Variants in CSNK2A2 observed in about 807,000 individuals in gnomAD.
The protein encoded by CSNK2A2 is casein kinase II subunit alpha'.
A neutral mutation model predicts 54.0 loss-of-function variants in CSNK2A2; 8 were observed. The observed-to-expected ratio is 0.15, with a 90% CI of 0.09 to 0.27. The LOEUF is 0.27. Ranked by LOEUF, CSNK2A2 falls within the 10% of genes least tolerant of loss-of-function variation. CSNK2A2 has a pLI of 1.00. For synonymous variants in CSNK2A2, 141 were observed against 153.9 expected (o/e 0.92, Z 0.62); for missense variants, 242 against 439.4 (o/e 0.55, Z 4.02).
chr16:58,180,535 T>C (rs988861952), intron 4 of CSNK2A2, among the ~76,000 whole-genome samples: 19 of 152,266 alleles, frequency 1.2e-4, no homozygotes, highest in Admixed American at 3.3e-4. Context: ...AAGGAAAGTA[T>C]AGTTCAAAGT....
At chr16:58,177,742 C>T (rs1449177663) in intron 4 of CSNK2A2, among the ~76,000 whole-genome samples, 1 of 152,172 alleles carries the variant, frequency 6.6e-6, no homozygotes, top group Non-Finnish European at 1.5e-5. Context: ...ACAGCTCAGT[C>T]TATGCCCATA....
At chr16:58,170,114 T>A (rs745456491) in intron 5 of CSNK2A2, among the ~76,000 whole-genome samples, 2 of 152,140 alleles carry the variant, frequency 1.3e-5, no homozygotes, top group Admixed American at 6.6e-5. Flanking sequence ...GATATGCAGA[T>A]AAGATTTTAT....
intron 5 of CSNK2A2, among the ~76,000 whole-genome samples, chr16:58,169,258 G>C (rs1463048201): frequency 6.6e-6 from 1 of 152,040 alleles, no homozygotes; most frequent in South Asian, 2.1e-4. Flanking sequence ...GGGGTGATGA[G>C]GCCAGGCACA....
intron 3 of CSNK2A2, among the ~76,000 whole-genome samples, chr16:58,184,789 G>C (rs147240453): frequency 2.5e-3 from 379 of 152,280 alleles, no homozygotes; most frequent in African/African-American, 8.5e-3. Flanking sequence ...TAGCAAGCCA[G>C]AATTGCACTT....
intron 4 of CSNK2A2, 62 bp downstream of exon 4, chr16:58,184,198 G>GAA: frequency 7.5e-7 from 1 of 1,331,552 alleles, no homozygotes; most frequent in South Asian, 1.3e-5. Flanking sequence ...GGAGTACACA[G>GAA]TATTTATCAC....
Position 58,167,400 on chromosome 16 carries a change from A to G in CSNK2A2, c.625-92T>C, listed in dbSNP as rs1396757245. The G allele has an allele frequency of 3.4e-6, 3 of 890,886 alleles. No individual in the cohort carries two copies. In the African/African-American group the frequency reaches 5.1e-5, roughly 15 times the overall value. The allele number at this position is 890,886 out of a possible 1,614,324, so 55.2% of individuals were successfully genotyped here. On this transcript the variant is annotated intron_variant, in intron 7 of 11. Transcript: ENST00000262506. ...TTTTTAGACGAGATTGGGCGTGTTCAGGGTGGTATGGCCATAGATAATTTA... is the reference window on the plus strand; with the variant it reads ...TTTTTAGACGAGATTGGGCGTGTTCGGGGTGGTATGGCCATAGATAATTTA...
chr16:58,173,182 T>C (rs1961784473), intron 5 of CSNK2A2, among the ~76,000 whole-genome samples: 1 of 152,174 alleles, frequency 6.6e-6, no homozygotes, highest in Non-Finnish European at 1.5e-5. Context: ...AGAGAAGACA[T>C]GGAGAAACGT....
chr16:58,165,814 A>T, intron 9 of CSNK2A2, 106 bp from the exon 10 acceptor site: 1 of 1,232,422 alleles, frequency 8.1e-7, no homozygotes, highest in Non-Finnish European at 1.1e-6. Context: ...ACTGATTACA[A>T]GCTTGTTAAA....
Position 58,167,306 on chromosome 16 carries a change from C to T in CSNK2A2, c.627G>A (p.Met209Ile). The T allele has an allele frequency of 6.2e-7, 1 of 1,608,568 alleles. No homozygotes were observed. Among genetic ancestry groups the T allele is most frequent in the Non-Finnish European group, 8.5e-7 (1 of 1,177,018 alleles). The change falls in exon 8 of 12, where the codon ATG becomes ATA. Residue 209 changes from methionine (M) to isoleucine (I), a missense_variant and splice_region_variant. This residue lies in a region of CSNK2A2 where 40 missense variants were observed against 128.7 expected (regional missense o/e 0.31). Transcript: ENST00000262506. ...TCCACATGTCCAAGCTATAATCATA[C>T]ATCTGAGGCAATAAGGACAACGCAT... ...KGPELLVDYQ[M>I]YDYSLDMWSL...
chr16:58,172,529 C>T (rs1961771733), intron 5 of CSNK2A2, among the ~76,000 whole-genome samples: 1 of 152,108 alleles, frequency 6.6e-6, no homozygotes, highest in Non-Finnish European at 1.5e-5. Context: ...GAAAATTTAC[C>T]AAGTGTTGAT....
intron 8 of CSNK2A2, 55 bp from the exon 9 acceptor site, chr16:58,166,739 C>T (rs147157696): frequency 1.5e-5 from 18 of 1,225,462 alleles, no homozygotes; most frequent in Middle Eastern, 1.9e-4. Context: ...ACCATGAGCC[C>T]GTGAGGACAC....
At chr16:58,193,731 T>C (rs989294954) in intron 2 of CSNK2A2, among the ~76,000 whole-genome samples, 7 of 152,202 alleles carry the variant, frequency 4.6e-5, no homozygotes, top group Non-Finnish European at 1.0e-4. Context: ...AACTGATTTT[T>C]CAAAATCAAA....
rs746032185 is a variant in CSNK2A2, at chr16:58,168,687, C to G, written c.436G>C (p.Asp146His). The G allele has an allele frequency of 6.2e-7, 1 of 1,613,430 alleles. No homozygotes were observed. Among genetic ancestry groups the G allele is most frequent in the South Asian group, 1.1e-5 (1 of 91,056 alleles). Residue 146 changes from aspartate to histidine, a missense_variant, in exon 6 of 12, where the codon GAT (aspartate) becomes CAT (histidine). By Grantham distance (81) the Asp-to-His change is moderately conservative (BLOSUM62 -1). Coordinates refer to ENST00000262506, the MANE Select transcript of CSNK2A2 (RefSeq NM_001896.4). ...ATGATTCCCTTGCTGTGGCAGTAAT[C>G]CAGAGCCTATTAGGTAAGAAAGCAC... ...FYMYELLKAL[D>H]YCHSKGIMHR...
At chr16:58,192,460 A>G (rs1183009967) in intron 2 of CSNK2A2, among the ~76,000 whole-genome samples, 1 of 151,970 alleles carries the variant, frequency 6.6e-6, no homozygotes, top group Non-Finnish European at 1.5e-5. Flanking sequence ...AAAAAAAAAA[A>G]ACCATAAAAA....
chr16:58,182,384 A>AC (rs1454441122), intron 4 of CSNK2A2, among the ~76,000 whole-genome samples: 1 of 133,166 alleles, frequency 7.5e-6, no homozygotes, highest in Non-Finnish European at 1.6e-5. Flanking sequence ...CAAAAAAAAA[A>AC]AAAAAAAAAA....
chr16:58,178,937 A>T (rs556066640), intron 4 of CSNK2A2, among the ~76,000 whole-genome samples: 32 of 152,338 alleles, frequency 2.1e-4, no homozygotes, highest in Non-Finnish European at 3.7e-4. Context: ...TCAAATTTTT[A>T]AAAAATTCAC....
Position 58,165,826 on chromosome 16 carries a change from C to A in CSNK2A2, c.828-118G>T, listed in dbSNP as rs534509066. On this transcript the variant is annotated intron_variant, in intron 9 of 11. Transcript: ENST00000262506. ...TGTACTGATTACAAGCTTGTTAAAT[C>A]TCTAACTGGTGCCTGCCCTACGGCC... 15 of 1,095,248 alleles carry A rather than the reference C, an allele frequency of 1.4e-5. No homozygotes were observed. The Admixed American group carries it at 4.1e-4, about 30-fold the overall frequency. The allele number at this position is 1,095,248 out of a possible 1,614,324, so 67.8% of individuals were successfully genotyped here. A position where few individuals can be genotyped will look rare whatever the true frequency, so the allele number is the denominator to read the frequency against.
intron 5 of CSNK2A2, among the ~76,000 whole-genome samples, chr16:58,168,993 C>T (rs1389758064): frequency 6.6e-6 from 1 of 151,306 alleles, no homozygotes; most frequent in Non-Finnish European, 1.5e-5. Context: ...GTGGTGCAAT[C>T]TCGGCTCACT....
chr16:58,194,450 T>C (rs1484797549), intron 2 of CSNK2A2, among the ~76,000 whole-genome samples: 3 of 152,176 alleles, frequency 2.0e-5, no homozygotes, highest in Non-Finnish European at 2.9e-5. Flanking sequence ...AAAATCTGGA[T>C]AGAAATGCCA....
Sources: gnomAD v4.1 joint callset for allele counts (sites outside exome capture counted in the v4.1 genomes callset) on GRCh38, gnomAD v4.1.1 for gene constraint, gnomAD v4.1.1 regional missense constraint, MANE v1.5 for transcripts, NCBI Gene and HGNC (gene_info 2026-07-23, HGNC 2026-07-21) for gene names.